Variants in FCHSD2 observed in about 807,000 individuals in gnomAD.
The protein encoded by FCHSD2 is FCH and double SH3 domains 2.
FCHSD2 carries 38 observed loss-of-function variants against 108.1 expected under a neutral mutation model. The observed-to-expected ratio is 0.35, with a 90% CI of 0.27 to 0.46. The LOEUF (loss-of-function observed/expected upper bound fraction) is 0.46, where lower values mean the gene tolerates loss of function less well. FCHSD2 is among the 20% of genes least tolerant of loss of function. FCHSD2 has a pLI of 1.00. For synonymous variants in FCHSD2, 279 were observed against 314.7 expected, an observed-to-expected ratio of 0.89 and a Z score of 1.20; for missense variants, 751 against 897.8, an observed-to-expected ratio of 0.84 and a Z score of 2.09.
chr11:73,024,466 T>A (rs1460997572), intron 3 of FCHSD2, among the ~76,000 whole-genome samples: 1 of 152,130 alleles, frequency 6.6e-6, no homozygotes, highest in Non-Finnish European at 1.5e-5. Flanking sequence ...ACACATATAC[T>A]GGGATTAAAC....
At chr11:73,106,406 CAAAAA>C (rs781338343) in intron 2 of FCHSD2, among the ~76,000 whole-genome samples, 1 of 65,034 alleles carries the variant, frequency 1.5e-5, no homozygotes. Flanking sequence ...ACTCTGTCTC[CAAAAA>C]AAAAAAAAAA....
At chr11:73,110,120 T>A (rs1465700674) in intron 2 of FCHSD2, among the ~76,000 whole-genome samples, 1 of 151,896 alleles carries the variant, frequency 6.6e-6, no homozygotes, top group African/African-American at 2.4e-5. Flanking sequence ...GCATCAGTAT[T>A]CATCAGGAAT....
intron 11 of FCHSD2, among the ~76,000 whole-genome samples, chr11:72,889,607 GGA>G (rs1268756689): frequency 4.6e-5 from 7 of 152,064 alleles, no homozygotes; most frequent in Non-Finnish European, 1.0e-4. Context: ...CAGCTACTTG[GGA>G]GGCTGAAGTG....
intron 2 of FCHSD2, among the ~76,000 whole-genome samples, chr11:73,117,406 C>T (rs553330081): frequency 6.6e-6 from 1 of 152,246 alleles, no homozygotes; most frequent in East Asian, 1.9e-4. Flanking sequence ...TCCTATTAGG[C>T]TTTTAGGCAT....
intron 2 of FCHSD2, among the ~76,000 whole-genome samples, chr11:73,139,636 G>T (rs762909257): frequency 6.6e-6 from 1 of 152,126 alleles, no homozygotes; most frequent in African/African-American, 2.4e-5. Context: ...TAACCATCTG[G>T]GGTTGACTGG....
At chr11:73,011,019 G>A (rs1381996987) in intron 4 of FCHSD2, among the ~76,000 whole-genome samples, 2 of 152,140 alleles carry the variant, frequency 1.3e-5, no homozygotes, top group African/African-American at 4.8e-5. Context: ...CAGGTGCCAT[G>A]TGCAGGTAGG....
chr11:72,928,846 A>G (rs1015011559), intron 8 of FCHSD2, among the ~76,000 whole-genome samples: 3 of 151,940 alleles, frequency 2.0e-5, no homozygotes, highest in African/African-American at 7.3e-5. Flanking sequence ...AGCATTAGGT[A>G]TATCTCCTAA....
intron 8 of FCHSD2, among the ~76,000 whole-genome samples, chr11:72,926,687 GC>G (rs1418257773): frequency 6.6e-6 from 1 of 152,136 alleles, no homozygotes; most frequent in Non-Finnish European, 1.5e-5. Flanking sequence ...TCACTTGTCT[GC>G]CTACCGCATA....
At chr11:73,100,223 A>T (rs56166008) in intron 2 of FCHSD2, among the ~76,000 whole-genome samples, 34,279 of 152,050 alleles carry the variant, frequency 0.23, 4,641 homozygotes, top group Middle Eastern at 0.37. Context: ...ACCAAGGACC[A>T]TTCCTCTTCG....
chr11:73,015,746 A>G (rs1033883280), intron 4 of FCHSD2, 63 bp downstream of exon 4: 34 of 934,166 alleles, frequency 3.6e-5, no homozygotes, highest in Admixed American at 6.9e-5. Flanking sequence ...TACATTATCT[A>G]TATGTAACAT....
intron 3 of FCHSD2, among the ~76,000 whole-genome samples, chr11:73,018,797 G>A (rs1053692240): frequency 2.6e-5 from 4 of 151,844 alleles, no homozygotes; most frequent in African/African-American, 9.7e-5. Context: ...TAAATTCCTT[G>A]GTAAAATTAC....
chr11:72,929,751 G>T (rs1205460865), intron 8 of FCHSD2, among the ~76,000 whole-genome samples: 1 of 152,122 alleles, frequency 6.6e-6, no homozygotes, highest in Non-Finnish European at 1.5e-5. Flanking sequence ...TAGAACCAAA[G>T]AGCTTGAAAA....
intron 3 of FCHSD2, among the ~76,000 whole-genome samples, chr11:73,020,509 C>G (rs1227248870): frequency 6.6e-6 from 1 of 152,182 alleles, no homozygotes; most frequent in Non-Finnish European, 1.5e-5. Context: ...AACAAGTTCA[C>G]TGCATAAGCT....
At chr11:72,864,793 A>C (rs568710473) in intron 13 of FCHSD2, among the ~76,000 whole-genome samples, 2 of 152,298 alleles carry the variant, frequency 1.3e-5, no homozygotes, top group South Asian at 4.1e-4. Context: ...ATGGCTTTTG[A>C]ATAAGAGAAG....
At chr11:72,863,196 G>A (rs1439581675) in intron 13 of FCHSD2, among the ~76,000 whole-genome samples, 1 of 151,786 alleles carries the variant, frequency 6.6e-6, no homozygotes, top group East Asian at 1.9e-4. Context: ...CAATGTGTTG[G>A]GATTACAGGC....
intron 8 of FCHSD2, among the ~76,000 whole-genome samples, chr11:72,946,385 A>G (rs1463479363): frequency 5.9e-5 from 5 of 85,066 alleles, no homozygotes; most frequent in Admixed American, 5.5e-4. Context: ...ATCACACACC[A>G]GGGCCTGTTG....
intron 9 of FCHSD2, among the ~76,000 whole-genome samples, chr11:72,914,919 A>T (rs918006520): frequency 6.6e-6 from 1 of 152,110 alleles, no homozygotes; most frequent in African/African-American, 2.4e-5. Context: ...CTGCACAGCA[A>T]AATAAACTAT....
intron 5 of FCHSD2, among the ~76,000 whole-genome samples, chr11:72,994,477 T>C (rs3862796): frequency 0.8 from 121,828 of 152,138 alleles, 49,008 homozygotes; most frequent in African/African-American, 0.87. Flanking sequence ...TAATTTACTC[T>C]GAGTCACACG....
At chr11:73,010,454 T>C (rs910146536) in intron 4 of FCHSD2, among the ~76,000 whole-genome samples, 1 of 152,228 alleles carries the variant, frequency 6.6e-6, no homozygotes, top group Non-Finnish European at 1.5e-5. Flanking sequence ...TTTGGAGTTA[T>C]ATTTCCTTGC....
Sources: allele counts gnomAD v4.1 joint callset (sites outside exome capture counted in the v4.1 genomes callset), GRCh38; gene constraint gnomAD v4.1.1; transcripts MANE v1.5; gene names NCBI Gene and HGNC (gene_info 2026-07-23, HGNC 2026-07-21).